The following BOLL variants were observed in gnomAD, a reference collection of about 807,000 sequenced individuals.
BOLL encodes the protein boule RNA binding protein.
BOLL carries 23 observed loss-of-function variants against 44.4 expected under a neutral mutation model. That is an observed-to-expected ratio of 0.52 (90% CI 0.37 to 0.73). BOLL has a LOEUF of 0.73. Ranked by LOEUF, BOLL falls within the 30% of genes least tolerant of loss-of-function variation. The pLI is 0.00. For missense variants in BOLL, 287 were observed against 338.3 expected (o/e 0.85, Z 1.19); for synonymous variants, 97 against 110.8 (o/e 0.88, Z 0.78).
At chr2:197,748,078 T>C (rs1260288346) in intron 9 of BOLL, among the ~76,000 whole-genome samples, 2 of 152,134 alleles carry the variant, frequency 1.3e-5, no homozygotes, top group Non-Finnish European at 2.9e-5. Flanking sequence ...GGTTAGACAG[T>C]GGGTGCAGCC....
Position 197,785,247 on chromosome 2 carries a change from C to T in BOLL, c.-207G>A, listed in dbSNP as rs1160187622. ...AAGGCTAGCCAGCGAGAAATTTTGC[C>T]CCACAAATCCGCCAGCAGCAGTGGC... On this transcript the variant is annotated 5_prime_UTR_variant, in exon 1 of 11. Coordinates refer to ENST00000392296, the MANE Select transcript of BOLL (RefSeq NM_033030.6). This position sits in a 1 kb window ranked among gnomAD's most constrained non-coding sequence, Gnocchi z 6.7. The T allele has an allele frequency of 2.5e-5, 25 of 985,764 alleles. No homozygotes were observed. The highest frequency in any genetic ancestry group is 6.1e-5 in the Admixed American group (1 of 16,274). The allele number at this position is 985,764 out of a possible 1,614,324, so 61.1% of individuals were successfully genotyped here.
At chr2:197,736,438 A>C (rs1687496030) in intron 10 of BOLL, among the ~76,000 whole-genome samples, 1 of 152,050 alleles carries the variant, frequency 6.6e-6, no homozygotes, top group Non-Finnish European at 1.5e-5. Context: ...AAAATGGTGA[A>C]GTTTGTAGTT....
intron 10 of BOLL, among the ~76,000 whole-genome samples, chr2:197,738,468 G>T (rs1157606488): frequency 6.6e-6 from 1 of 152,062 alleles, no homozygotes; most frequent in Admixed American, 6.6e-5. Context: ...CTCTATATTG[G>T]TCTGTTTTGT....
At chr2:197,768,466 G>A (rs145891698) in intron 6 of BOLL, among the ~76,000 whole-genome samples, 193 of 151,832 alleles carry the variant, frequency 1.3e-3, no homozygotes, top group African/African-American at 4.3e-3. Flanking sequence ...TTCAAGACTC[G>A]TTATAAAGTC....
chr2:197,730,570 C>T (rs1361223463), intron 10 of BOLL, among the ~76,000 whole-genome samples: 30 of 149,970 alleles, frequency 2.0e-4, no homozygotes, highest in East Asian at 1.8e-3. Context: ...AGAGAAAGGT[C>T]GGGTTACCCT....
Position 197,728,338 on chromosome 2 carries a change from G to T in BOLL, c.*217C>A. 1 of 653,882 alleles carries T rather than the reference G, an allele frequency of 1.5e-6. No individual in the cohort carries two copies. Among genetic ancestry groups the T allele is most frequent in the Non-Finnish European group, 2.6e-6 (1 of 384,400 alleles). The allele number at this position is 653,882 out of a possible 1,614,324, so 40.5% of individuals were successfully genotyped here. ...AGGTTAGCACATAAAAAACCAACAT[G>T]CCACATCTACCTAAATAATTTTGTA... is the stretch of plus-strand genomic sequence containing the variant. On this transcript the variant is annotated 3_prime_UTR_variant, in exon 11 of 11. Transcript: ENST00000392296.
chr2:197,781,299 T>C (rs556461745), intron 2 of BOLL, among the ~76,000 whole-genome samples: 2 of 151,956 alleles, frequency 1.3e-5, no homozygotes, highest in Non-Finnish European at 2.9e-5. Flanking sequence ...GAGATAAGAG[T>C]TGGGGTAAAG....
At chr2:197,753,721 A>T (rs6757887) in intron 9 of BOLL, among the ~76,000 whole-genome samples, 1 of 152,184 alleles carries the variant, frequency 6.6e-6, no homozygotes, top group East Asian at 1.9e-4. Flanking sequence ...TGTGGAAGAC[A>T]GTGTGGCGAT....
rs201248479 is a variant in BOLL at position 197,728,552 on chromosome 2, G to T, written c.*3C>A. Reference sequence around the variant, plus strand: ...TGAGCTGGAATAGAGCTGCCCAATTGTCTTAATAATGAATGCTCCACACTG... The same window carrying T: ...TGAGCTGGAATAGAGCTGCCCAATTTTCTTAATAATGAATGCTCCACACTG... On this transcript the variant is annotated 3_prime_UTR_variant, in exon 11 of 11. Coordinates refer to ENST00000392296, the MANE Select transcript of BOLL (RefSeq NM_033030.6). 1.9e-6 allele frequency: 3 copies of T among 1,613,398 alleles called. No individual in the cohort carries two copies. The highest frequency in any genetic ancestry group is 2.2e-5 in the South Asian group (2 of 91,060).
chr2:197,733,889 G>T (rs1687339939), intron 10 of BOLL, among the ~76,000 whole-genome samples: 1 of 152,108 alleles, frequency 6.6e-6, no homozygotes, highest in Non-Finnish European at 1.5e-5. Context: ...TACCATTCAA[G>T]ACATAGGCAT....
chr2:197,734,895 G>A (rs1329636602), intron 10 of BOLL, among the ~76,000 whole-genome samples: 1 of 152,008 alleles, frequency 6.6e-6, no homozygotes, highest in Non-Finnish European at 1.5e-5. Context: ...CATGGCACAC[G>A]TATACATATG....
intron 3 of BOLL, among the ~76,000 whole-genome samples, chr2:197,777,513 C>G (rs1689574506): frequency 6.6e-6 from 1 of 151,672 alleles, no homozygotes; most frequent in Non-Finnish European, 1.5e-5. Context: ...AATTTCAACA[C>G]AATAAAATTT....
intron 10 of BOLL, among the ~76,000 whole-genome samples, chr2:197,733,624 A>T (rs556226674): frequency 6.6e-6 from 1 of 152,320 alleles, no homozygotes; most frequent in East Asian, 1.9e-4. Flanking sequence ...ATAGAGACCA[A>T]TGGAACAGAA....
intron 10 of BOLL, 56 bp from the exon 11 acceptor site, chr2:197,728,634 AG>A: frequency 4.0e-6 from 5 of 1,259,814 alleles, no homozygotes; most frequent in Non-Finnish European, 5.8e-6. Context: ...AAAAAAGATA[AG>A]TTAGAACAGA....
At position 197,743,084 on chromosome 2, in the gene BOLL, C is replaced by G. The variant is rs989721357; in HGVS notation, c.805G>C (p.Val269Leu). The G allele has an allele frequency of 5.0e-6, 8 of 1,599,064 alleles. No homozygotes were observed. Among genetic ancestry groups the G allele is most frequent in the Non-Finnish European group, 6.0e-6 (7 of 1,173,426 alleles). The change falls in exon 10 of 11, where the codon GTG becomes CTG. Residue 269 changes from valine (V) to leucine (L), a missense_variant. Physicochemically the swap from Val to Leu is conservative, Grantham distance 32. Transcript: ENST00000392296. ...ACTTTAATTGGCTCAGGCTGCATCA[C>G]AGGCGCAGGCATAGTGATGGCACTT... Reference protein sequence around the residue: ...APSAITMPAPVMQPEPIKTVW... With the variant: ...APSAITMPAPLMQPEPIKTVW...
At chr2:197,784,019 C>T (rs1197207145) in intron 1 of BOLL, among the ~76,000 whole-genome samples, 1 of 152,052 alleles carries the variant, frequency 6.6e-6, no homozygotes. Flanking sequence ...GCTTTATTTC[C>T]AATCTCGAGA....
At chr2:197,729,207 G>C (rs992084780) in intron 10 of BOLL, among the ~76,000 whole-genome samples, 5 of 152,212 alleles carry the variant, frequency 3.3e-5, no homozygotes, top group Non-Finnish European at 5.9e-5. Flanking sequence ...TCAAAGAAAG[G>C]GGTGATGGAC....
At chr2:197,760,262 C>T (rs755823384) in intron 7 of BOLL, among the ~76,000 whole-genome samples, 2 of 152,208 alleles carry the variant, frequency 1.3e-5, no homozygotes, top group Non-Finnish European at 2.9e-5. Context: ...AGACATGCCC[C>T]TAGGCCAGGT....
intron 7 of BOLL, among the ~76,000 whole-genome samples, chr2:197,757,690 T>G (rs1688580405): frequency 6.6e-6 from 1 of 152,088 alleles, no homozygotes; most frequent in Non-Finnish European, 1.5e-5. Context: ...CAAAAAATAG[T>G]TAAATTAGAT....
Sources: gnomAD v4.1 joint callset for allele counts (sites outside exome capture counted in the v4.1 genomes callset) on GRCh38, gnomAD v4.1.1 for gene constraint, Gnocchi (gnomAD v3.1) non-coding constraint, MANE v1.5 for transcripts, NCBI Gene and HGNC (gene_info 2026-07-23, HGNC 2026-07-21) for gene names.